ANKS1B: variants seen among roughly 807,000 people sequenced by gnomAD.
The protein encoded by ANKS1B is ankyrin repeat and sterile alpha motif domain-containing protein 1B.
A neutral mutation model predicts 148.3 loss-of-function variants in ANKS1B; 36 were observed. The ratio of observed to expected loss-of-function variants is 0.24; its 90% CI spans 0.19 to 0.32. ANKS1B has a LOEUF of 0.32. Among genes scored for constraint, ANKS1B ranks in the 10% least tolerant of loss-of-function variants. The pLI, the probability that ANKS1B is intolerant of heterozygous loss-of-function variation, is 1.00. For missense variants in ANKS1B, 1,157 were observed against 1,542.6 expected, an observed-to-expected ratio of 0.75 and a Z score of 4.19; for synonymous variants, 542 against 560.8, an observed-to-expected ratio of 0.97 and a Z score of 0.47.
chr12:98,904,535 C>T (rs886453738), intron 17 of ANKS1B, among the ~76,000 whole-genome samples: 3 of 152,216 alleles, frequency 2.0e-5, no homozygotes, highest in African/African-American at 7.2e-5. Flanking sequence ...AATTTTTGCA[C>T]AGACCTTTAA....
At chr12:99,908,251 T>G (rs1356934568) in intron 1 of ANKS1B, among the ~76,000 whole-genome samples, 2 of 152,158 alleles carry the variant, frequency 1.3e-5, no homozygotes, top group Non-Finnish European at 2.9e-5. Context: ...AGGACAAAAA[T>G]CATTGCTAAT....
intron 9 of ANKS1B, among the ~76,000 whole-genome samples, chr12:99,534,794 C>T (rs1333109161): frequency 6.7e-6 from 1 of 149,756 alleles, no homozygotes; most frequent in Non-Finnish European, 1.5e-5. Context: ...ACTGCAAGCT[C>T]CACCTCCCGG....
intron 1 of ANKS1B, among the ~76,000 whole-genome samples, chr12:99,935,407 C>T (rs956971448): frequency 1.3e-5 from 2 of 151,268 alleles, no homozygotes; most frequent in African/African-American, 4.9e-5. Flanking sequence ...CGCACATTTA[C>T]CATCTCACAG....
intron 1 of ANKS1B, among the ~76,000 whole-genome samples, chr12:99,899,380 T>C (rs375462794): frequency 6.6e-6 from 1 of 152,178 alleles, no homozygotes; most frequent in African/African-American, 2.4e-5. Flanking sequence ...GTTTCCCTCA[T>C]AGCCTGTCTC....
intron 17 of ANKS1B, among the ~76,000 whole-genome samples, chr12:98,835,368 T>G (rs2099357071): frequency 6.6e-6 from 1 of 152,176 alleles, no homozygotes. Flanking sequence ...AGAAGCAACT[T>G]TCACAGTGTG....
intron 17 of ANKS1B, among the ~76,000 whole-genome samples, chr12:98,872,847 T>G (rs1017287701): frequency 6.6e-6 from 1 of 152,202 alleles, no homozygotes; most frequent in Non-Finnish European, 1.5e-5. Context: ...TACTTTGTTA[T>G]GGAAGCCCTA....
At chr12:99,500,784 T>A (rs1016068252) in intron 10 of ANKS1B, among the ~76,000 whole-genome samples, 5 of 152,218 alleles carry the variant, frequency 3.3e-5, no homozygotes, top group African/African-American at 1.2e-4. Context: ...TCAAGGGTAA[T>A]ATCATGCTTT....
intron 10 of ANKS1B, among the ~76,000 whole-genome samples, chr12:99,483,086 G>C (rs771713936): frequency 2.6e-5 from 4 of 151,174 alleles, no homozygotes; most frequent in African/African-American, 9.7e-5. Flanking sequence ...GTTCTCGGTG[G>C]GGGGAATGCT....
At chr12:99,893,179 G>A (rs1247889651) in intron 1 of ANKS1B, among the ~76,000 whole-genome samples, 2 of 152,054 alleles carry the variant, frequency 1.3e-5, no homozygotes, top group Non-Finnish European at 1.5e-5. Flanking sequence ...GGGAGGCCGA[G>A]GCGGGCAGAT....
chr12:99,136,708 A>G lies in ANKS1B; in HGVS notation c.2526+17581T>C, dbSNP rs1281977294. 3.3e-5 allele frequency among the ~76,000 whole-genome samples: 5 copies of G among 152,356 alleles called. No homozygotes were observed. The East Asian group carries it at 9.6e-4, about 29-fold the overall frequency. On this transcript the variant is annotated intron_variant, in intron 15 of 26. Coordinates refer to ENST00000683438, the MANE Select transcript of ANKS1B (RefSeq NM_001352186.2). ...CACCAGAAGGACTAAGCACAGAAAT[A>G]TTGAAAGTATTTGCTTTTGGAGAGT...
chr12:99,656,775 T>C (rs1225978458), intron 8 of ANKS1B, among the ~76,000 whole-genome samples: 5 of 152,070 alleles, frequency 3.3e-5, no homozygotes, highest in Non-Finnish European at 2.9e-5. Flanking sequence ...TGTATATGCA[T>C]AAATAAAAAG....
At chr12:99,301,782 G>C (rs979119810) in intron 12 of ANKS1B, among the ~76,000 whole-genome samples, 1 of 151,950 alleles carries the variant, frequency 6.6e-6, no homozygotes, top group Non-Finnish European at 1.5e-5. Flanking sequence ...CATAATTACA[G>C]CTATTAAATA....
chr12:99,107,446 T>C (rs2059453010), intron 15 of ANKS1B, among the ~76,000 whole-genome samples: 1 of 152,198 alleles, frequency 6.6e-6, no homozygotes, highest in Non-Finnish European at 1.5e-5. Context: ...TAGATAGACA[T>C]ACTCAACAGC....
chr12:99,812,857 C>A lies in ANKS1B; in HGVS notation c.216-546G>T, dbSNP rs556093240. On this transcript the variant is annotated intron_variant, in intron 2 of 26. Transcript: ENST00000683438. ...TTATAAAATTTACACATCATTCCTA[C>A]AGATAATTGGAATAAGAGATTTAAG... Among the ~76,000 whole-genome samples, 7 of 151,440 alleles carry A rather than the reference C, an allele frequency of 4.6e-5. No homozygotes were observed. In the East Asian group the frequency reaches 5.8e-4, roughly 13 times the overall value.
intron 4 of ANKS1B, among the ~76,000 whole-genome samples, chr12:99,787,408 C>T (rs148587317): frequency 6.6e-6 from 1 of 152,270 alleles, no homozygotes; most frequent in East Asian, 1.9e-4. Flanking sequence ...GCCTCCCCAG[C>T]CATGTGAAAC....
chr12:99,371,003 G>A (rs1215078324), intron 12 of ANKS1B, among the ~76,000 whole-genome samples: 4 of 151,880 alleles, frequency 2.6e-5, no homozygotes, highest in Non-Finnish European at 4.4e-5. Flanking sequence ...TGGGTTTTTT[G>A]TTTGTTTTTG....
At chr12:99,350,514 G>A (rs546512377) in intron 12 of ANKS1B, among the ~76,000 whole-genome samples, 1 of 152,102 alleles carries the variant, frequency 6.6e-6, no homozygotes, top group East Asian at 1.9e-4. Flanking sequence ...CAGTTCTGAG[G>A]CAGGAGGGTA....
At chr12:99,303,226 G>T (rs1170137365) in intron 12 of ANKS1B, among the ~76,000 whole-genome samples, 1 of 152,154 alleles carries the variant, frequency 6.6e-6, no homozygotes. Context: ...TCATGGACTT[G>T]CCTTACAAAT....
chr12:98,794,432 C>T (rs144169155), intron 22 of ANKS1B: 5,697 of 193,782 alleles, frequency 0.029, 300 homozygotes, highest in African/African-American at 0.1. Context: ...AAGACTTCCT[C>T]TCAAGCTTGG....
Sources: allele counts gnomAD v4.1 joint callset (sites outside exome capture counted in the v4.1 genomes callset), GRCh38; gene constraint gnomAD v4.1.1; transcripts MANE v1.5; gene names NCBI Gene and HGNC (gene_info 2026-07-23, HGNC 2026-07-21).